CNTN1: variants seen among roughly 807,000 people sequenced by gnomAD.
The protein encoded by CNTN1 is contactin 1.
CNTN1 carries 38 observed loss-of-function variants against 126.4 expected under a neutral mutation model. The observed-to-expected ratio is 0.30, with a 90% CI of 0.23 to 0.39. The LOEUF is 0.39. CNTN1 is among the 10% of genes least tolerant of loss of function. CNTN1 has a pLI of 1.00. For missense variants in CNTN1, 1,009 were observed against 1,248.4 expected (o/e 0.81, Z 2.89); for synonymous variants, 413 against 422.6 (o/e 0.98, Z 0.28).
At chr12:40,930,634 T>C (rs1194065431) in intron 7 of CNTN1, among the ~76,000 whole-genome samples, 1 of 151,924 alleles carries the variant, frequency 6.6e-6, no homozygotes, top group Non-Finnish European at 1.5e-5. Flanking sequence ...ACTTGCTTAC[T>C]TTACATTATT....
intron 14 of CNTN1, among the ~76,000 whole-genome samples, chr12:40,951,144 T>C (rs1235859151): frequency 2.6e-5 from 4 of 152,140 alleles, no homozygotes. Context: ...GATGTTTTTG[T>C]CCATCATTCA....
chr12:40,748,576 C>A (rs1335661951), intron 1 of CNTN1, among the ~76,000 whole-genome samples: 1 of 152,062 alleles, frequency 6.6e-6, no homozygotes, highest in African/African-American at 2.4e-5. Context: ...AACTGTTGTG[C>A]TTATTTACAT....
chr12:40,987,051 G>T (rs1003859715), intron 16 of CNTN1, among the ~76,000 whole-genome samples: 3 of 152,138 alleles, frequency 2.0e-5, no homozygotes, highest in Non-Finnish European at 4.4e-5. Flanking sequence ...AAAGATGGTG[G>T]TTTATAGATT....
chr12:40,911,745 G>A (rs1425130301), intron 3 of CNTN1, among the ~76,000 whole-genome samples: 1 of 151,938 alleles, frequency 6.6e-6, no homozygotes, highest in African/African-American at 2.4e-5. Context: ...TTTTTTTCTT[G>A]TATCTATCTA....
At chr12:40,923,156 C>A (rs1945513165) in intron 5 of CNTN1, among the ~76,000 whole-genome samples, 1 of 151,812 alleles carries the variant, frequency 6.6e-6, no homozygotes. Context: ...TAATATTTAA[C>A]TTCTAATAGT....
At chr12:40,694,223 G>A (rs1941386977) in intron 1 of CNTN1, among the ~76,000 whole-genome samples, 1 of 152,122 alleles carries the variant, frequency 6.6e-6, no homozygotes, top group Non-Finnish European at 1.5e-5. Flanking sequence ...CCCTTGCGGG[G>A]GTAGATGTGA....
At chr12:40,965,912 A>T (rs1947288582) in intron 15 of CNTN1, among the ~76,000 whole-genome samples, 1 of 151,988 alleles carries the variant, frequency 6.6e-6, no homozygotes, top group South Asian at 2.1e-4. Flanking sequence ...TTTAAGTATT[A>T]TGTAGTTGAG....
chr12:40,782,146 A>G (rs1428956417), intron 1 of CNTN1, among the ~76,000 whole-genome samples: 2 of 151,964 alleles, frequency 1.3e-5, no homozygotes, highest in Non-Finnish European at 2.9e-5. Flanking sequence ...TATTTTTTAA[A>G]AGTTCCAATA....
intron 1 of CNTN1, among the ~76,000 whole-genome samples, chr12:40,839,386 C>T (rs1222446745): frequency 6.6e-6 from 1 of 151,968 alleles, no homozygotes; most frequent in Non-Finnish European, 1.5e-5. Context: ...TGAAAATTTC[C>T]CAAATCTAGC....
At chr12:40,890,514 C>T (rs1300067005) in intron 1 of CNTN1, among the ~76,000 whole-genome samples, 3 of 152,016 alleles carry the variant, frequency 2.0e-5, no homozygotes, top group Non-Finnish European at 4.4e-5. Flanking sequence ...TCATTTCTCC[C>T]TCCTTGCTAA....
intron 1 of CNTN1, among the ~76,000 whole-genome samples, chr12:40,862,004 A>G (rs1282400677): frequency 2.0e-5 from 3 of 151,874 alleles, no homozygotes; most frequent in Admixed American, 1.3e-4. Flanking sequence ...TTTGAGGGCT[A>G]GGAGTTTGAG....
intron 1 of CNTN1, among the ~76,000 whole-genome samples, chr12:40,897,692 A>C (rs2136755921): frequency 6.6e-6 from 1 of 152,288 alleles, no homozygotes; most frequent in Non-Finnish European, 1.5e-5. Flanking sequence ...TGTATAGCCC[A>C]AGACCGTGTT....
intron 1 of CNTN1, among the ~76,000 whole-genome samples, chr12:40,831,519 A>T (rs866081543): frequency 2.0e-5 from 3 of 152,274 alleles, no homozygotes; most frequent in African/African-American, 7.2e-5. Context: ...ATTCGAGAAA[A>T]ATGATTAAAT....
chr12:40,867,532 C>T (rs73120763), intron 1 of CNTN1, among the ~76,000 whole-genome samples: 4 of 152,046 alleles, frequency 2.6e-5, no homozygotes, highest in Non-Finnish European at 4.4e-5. Context: ...TGTGAGGTAA[C>T]GCATATATTA....
intron 1 of CNTN1, among the ~76,000 whole-genome samples, chr12:40,841,482 A>C (rs1303240986): frequency 6.6e-6 from 1 of 152,084 alleles, no homozygotes; most frequent in Non-Finnish European, 1.5e-5. Flanking sequence ...ACAACAAAAC[A>C]AGAAATCCCT....
rs370419120 is a variant in CNTN1 at position 40,739,069 on chromosome 12, G to C, written c.-77+46477G>C. On this transcript the variant is annotated intron_variant, in intron 1 of 23. Coordinates refer to ENST00000551295, the MANE Select transcript of CNTN1 (RefSeq NM_001843.4). ...CAAACCAGTTAAATCAGAAATACCA[G>C]AGACATTTTTCTGGCATCAGTATGT... 4.4e-4 allele frequency among the ~76,000 whole-genome samples: 67 copies of C among 152,196 alleles called. 1 individual carries two copies. The South Asian group carries it at 0.014, about 32-fold the overall frequency.
intron 2 of CNTN1, among the ~76,000 whole-genome samples, chr12:40,909,245 G>C (rs1420308528): frequency 6.6e-6 from 1 of 151,944 alleles, no homozygotes; most frequent in Admixed American, 6.6e-5. Flanking sequence ...GTCTTTCAAA[G>C]GCAAGTGTGA....
At chr12:41,052,813 C>T (rs981883831) in intron 23 of CNTN1, among the ~76,000 whole-genome samples, 19 of 151,890 alleles carry the variant, frequency 1.3e-4, no homozygotes, top group African/African-American at 4.6e-4. Flanking sequence ...TCAAGAACTA[C>T]AAAACATGAA....
At chr12:40,775,463 A>G (rs981691719) in intron 1 of CNTN1, among the ~76,000 whole-genome samples, 1 of 151,474 alleles carries the variant, frequency 6.6e-6, no homozygotes, top group Non-Finnish European at 1.5e-5. Context: ...TATTTTGGGT[A>G]CTAAATAAAT....
Sources: gnomAD v4.1 joint callset for allele counts (sites outside exome capture counted in the v4.1 genomes callset) on GRCh38, gnomAD v4.1.1 for gene constraint, MANE v1.5 for transcripts, NCBI Gene and HGNC (gene_info 2026-07-23, HGNC 2026-07-21) for gene names.